DLG2: variants seen among roughly 807,000 people sequenced by gnomAD.
The protein encoded by DLG2 is disks large homolog 2.
Under a neutral mutation model 132.5 loss-of-function variants are expected in DLG2, and 45 were observed. That is an observed-to-expected ratio of 0.34 (90% CI 0.27 to 0.44). DLG2 has a LOEUF of 0.44. Ranked by LOEUF, DLG2 falls within the 20% of genes least tolerant of loss-of-function variation. DLG2 has a pLI of 1.00. For synonymous variants in DLG2, 424 were observed against 419.6 expected (o/e 1.01, Z -0.13); for missense variants, 1,045 against 1,196.9 (o/e 0.87, Z 1.87).
At chr11:84,130,917 G>A (rs986391087) in intron 9 of DLG2, among the ~76,000 whole-genome samples, 7 of 151,616 alleles carry the variant, frequency 4.6e-5, no homozygotes, top group African/African-American at 1.2e-4. Context: ...AGTAAGAAGA[G>A]GTCATTATTA....
At chr11:83,576,967 T>C (rs919126516) in intron 19 of DLG2, among the ~76,000 whole-genome samples, 4 of 152,210 alleles carry the variant, frequency 2.6e-5, no homozygotes, top group African/African-American at 7.2e-5. Context: ...GATTGAAGGA[T>C]ACAAAGTATT....
At chr11:83,897,679 A>G (rs957507272) in intron 15 of DLG2, among the ~76,000 whole-genome samples, 1 of 152,186 alleles carries the variant, frequency 6.6e-6, no homozygotes, top group Non-Finnish European at 1.5e-5. Context: ...TGAATGTTCT[A>G]TGTACAAGTA....
intron 3 of DLG2, among the ~76,000 whole-genome samples, chr11:85,443,414 T>A (rs1188382740): frequency 2.6e-5 from 4 of 152,238 alleles, no homozygotes; most frequent in Non-Finnish European, 4.4e-5. Context: ...TTAGTCTCTC[T>A]GAGGCTTATT....
intron 4 of DLG2, among the ~76,000 whole-genome samples, chr11:85,261,222 A>G (rs911323784): frequency 2.0e-5 from 3 of 152,152 alleles, no homozygotes; most frequent in African/African-American, 7.2e-5. Flanking sequence ...CTACATGCAG[A>G]TAATGTTATG....
intron 2 of DLG2, among the ~76,000 whole-genome samples, chr11:85,602,704 T>C (rs2080253376): frequency 6.6e-6 from 1 of 152,162 alleles, no homozygotes; most frequent in Non-Finnish European, 1.5e-5. Context: ...CCCATCCCAC[T>C]CAGAGCAAAG....
At chr11:84,100,925 G>A (rs1490356352) in intron 9 of DLG2, among the ~76,000 whole-genome samples, 2 of 152,086 alleles carry the variant, frequency 1.3e-5, no homozygotes, top group African/African-American at 4.8e-5. Flanking sequence ...TGTTGAAAGG[G>A]TGAAATGAAT....
At chr11:83,549,415 T>G (rs1439233650) in intron 19 of DLG2, among the ~76,000 whole-genome samples, 1 of 152,154 alleles carries the variant, frequency 6.6e-6, no homozygotes, top group Non-Finnish European at 1.5e-5. Context: ...CATTCCTACA[T>G]CTCACATATT....
rs1227671562 is a variant in DLG2 at position 85,264,065 on chromosome 11, T to G, written c.186+21155A>C. 4.0e-5 allele frequency among the ~76,000 whole-genome samples: 6 copies of G among 151,602 alleles called. No homozygotes were observed. The East Asian group carries it at 1.2e-3, about 30-fold the overall frequency. Reference sequence around the variant, plus strand: ...AGGGTTATGTGTAGAGCAAGGTATTTGGGAACAGGATGTTGTGCCAACAGG... The same window carrying G: ...AGGGTTATGTGTAGAGCAAGGTATTGGGGAACAGGATGTTGTGCCAACAGG... On this transcript the variant is annotated intron_variant, in intron 4 of 27. Transcript: ENST00000376104.
At chr11:85,359,951 G>A (rs944957181) in intron 3 of DLG2, among the ~76,000 whole-genome samples, 28 of 152,162 alleles carry the variant, frequency 1.8e-4, no homozygotes, top group Admixed American at 6.5e-5. Flanking sequence ...TTCTCCAGAG[G>A]ATGGAGCTTA....
chr11:85,336,750 G>T (rs535150238), intron 3 of DLG2, among the ~76,000 whole-genome samples: 1 of 152,342 alleles, frequency 6.6e-6, no homozygotes, highest in East Asian at 1.9e-4. Context: ...GCAGAGCACA[G>T]TTGCTTCAAT....
In DLG2 at chr11:85,096,865, G is replaced by A. The variant is rs186160400; in HGVS notation, c.357+14796C>T. On this transcript the variant is annotated intron_variant, in intron 6 of 27. Coordinates refer to ENST00000376104, the MANE Select transcript of DLG2 (RefSeq NM_001142699.3). ...ACTGGACTAAAGACACGGGTGTCAG[G>A]CTATCTGGGAAAGGGCTCTCTAACA... is the stretch of plus-strand genomic sequence containing the variant. Among the ~76,000 whole-genome samples the A allele has an allele frequency of 1.2e-4, 18 of 152,268 alleles. No homozygotes were observed. In the South Asian group the frequency reaches 3.7e-3, roughly 32 times the overall value.
At chr11:84,246,392 C>T (rs2154347110) in intron 8 of DLG2, among the ~76,000 whole-genome samples, 1 of 152,266 alleles carries the variant, frequency 6.6e-6, no homozygotes, top group Non-Finnish European at 1.5e-5. Flanking sequence ...ATCAAATTGA[C>T]TATCCTGGTA....
At chr11:83,549,078 G>A (rs998707397) in intron 19 of DLG2, among the ~76,000 whole-genome samples, 3 of 152,110 alleles carry the variant, frequency 2.0e-5, no homozygotes, top group Admixed American at 6.6e-5. Context: ...GGAACAGAGT[G>A]CTTTGACTCA....
At chr11:84,356,176 C>T (rs555070031) in intron 7 of DLG2, among the ~76,000 whole-genome samples, 107 of 152,168 alleles carry the variant, frequency 7.0e-4, no homozygotes, top group Non-Finnish European at 1.4e-3. Flanking sequence ...GGAAAGCAGT[C>T]CACTTTATCC....
intron 11 of DLG2, among the ~76,000 whole-genome samples, chr11:83,981,942 G>C (rs547471250): frequency 6.6e-6 from 1 of 152,170 alleles, no homozygotes; most frequent in Non-Finnish European, 1.5e-5. Context: ...ATCAGTGATA[G>C]AGTACACATA....
intron 3 of DLG2, among the ~76,000 whole-genome samples, chr11:85,558,996 G>A (rs1477539031): frequency 2.6e-5 from 4 of 151,498 alleles, no homozygotes; most frequent in African/African-American, 7.3e-5. Flanking sequence ...CAGAACTAAA[G>A]GGAAGAAACC....
chr11:84,322,361 C>A (rs991004932), intron 7 of DLG2, among the ~76,000 whole-genome samples: 7 of 152,282 alleles, frequency 4.6e-5, no homozygotes, highest in Admixed American at 1.3e-4. Flanking sequence ...GAAGCTGAAG[C>A]AGCTTCTGTT....
chr11:85,552,609 T>G (rs953610797), intron 3 of DLG2, among the ~76,000 whole-genome samples: 5 of 151,510 alleles, frequency 3.3e-5, no homozygotes, highest in African/African-American at 1.2e-4. Flanking sequence ...TTAAATAAAA[T>G]AAATAGAACT....
chr11:85,188,691 T>C (rs1361841911), intron 4 of DLG2, among the ~76,000 whole-genome samples: 1 of 152,150 alleles, frequency 6.6e-6, no homozygotes, highest in Non-Finnish European at 1.5e-5. Flanking sequence ...TAAGTGGAAA[T>C]TCTGAAGTAT....
Sources: allele counts gnomAD v4.1 joint callset (sites outside exome capture counted in the v4.1 genomes callset), GRCh38; gene constraint gnomAD v4.1.1; transcripts MANE v1.5; gene names NCBI Gene and HGNC (gene_info 2026-07-23, HGNC 2026-07-21).